PARD3B: variants seen among roughly 807,000 people sequenced by gnomAD.
The protein encoded by PARD3B is par-3 family cell polarity regulator beta, also known as partitioning defective 3 homolog B.
In PARD3B, 103 loss-of-function variants were observed where a neutral mutation model predicts 130.2. That is an observed-to-expected ratio of 0.79 (90% CI 0.67 to 0.93). The LOEUF is 0.93. Among genes scored for constraint, PARD3B ranks in the 40% least tolerant of loss-of-function variants. The pLI is 0.00. For synonymous variants in PARD3B, 583 were observed against 553.2 expected, an observed-to-expected ratio of 1.05 and a Z score of -0.76; for missense variants, 1,609 against 1,499.2, an observed-to-expected ratio of 1.07 and a Z score of -1.21.
intron 16 of PARD3B, among the ~76,000 whole-genome samples, chr2:205,254,546 AG>A (rs2039988748): frequency 1.3e-5 from 2 of 152,108 alleles, no homozygotes; most frequent in Admixed American, 1.3e-4. Context: ...TGTTTATTGG[AG>A]GTAAGAGGAA....
chr2:204,885,505 C>A (rs1559228573), intron 2 of PARD3B, among the ~76,000 whole-genome samples: 3 of 152,084 alleles, frequency 2.0e-5, no homozygotes, highest in African/African-American at 7.2e-5. Flanking sequence ...ATATTAAATA[C>A]CATTTATTCT....
intron 2 of PARD3B, among the ~76,000 whole-genome samples, chr2:204,703,396 T>G (rs1489532051): frequency 6.6e-6 from 1 of 152,164 alleles, no homozygotes; most frequent in African/African-American, 2.4e-5. Flanking sequence ...GTTAAAGAGA[T>G]GGGAATGGGA....
intron 19 of PARD3B, among the ~76,000 whole-genome samples, chr2:205,403,337 T>C (rs1211794249): frequency 2.0e-5 from 3 of 152,156 alleles, no homozygotes; most frequent in Admixed American, 6.5e-5. Context: ...TAGGAACCAA[T>C]TGTTAAACTT....
chr2:205,138,922 C>G (rs2032716137), intron 10 of PARD3B, among the ~76,000 whole-genome samples: 1 of 152,158 alleles, frequency 6.6e-6, no homozygotes, highest in Non-Finnish European at 1.5e-5. Flanking sequence ...ACAGATGGAG[C>G]CCTTCCTCCA....
intron 2 of PARD3B, among the ~76,000 whole-genome samples, chr2:204,948,205 C>T (rs1178343010): frequency 6.6e-6 from 1 of 152,098 alleles, no homozygotes; most frequent in Non-Finnish European, 1.5e-5. Flanking sequence ...AGTCATTTTC[C>T]CTTTGGCTAA....
chr2:204,819,306 C>T (rs2043252411), intron 2 of PARD3B, among the ~76,000 whole-genome samples: 1 of 152,132 alleles, frequency 6.6e-6, no homozygotes, highest in South Asian at 2.1e-4. Context: ...ATGTTTCAAA[C>T]CTTTTCATTA....
intron 1 of PARD3B, among the ~76,000 whole-genome samples, chr2:204,628,671 C>T (rs542533493): frequency 4.9e-4 from 75 of 152,224 alleles, no homozygotes; most frequent in African/African-American, 1.8e-3. Context: ...TTAGAAAACA[C>T]AGTGACATTA....
At chr2:205,289,833 C>A (rs547384909) in intron 16 of PARD3B, among the ~76,000 whole-genome samples, 1 of 152,194 alleles carries the variant, frequency 6.6e-6, no homozygotes, top group South Asian at 2.1e-4. Flanking sequence ...GCCCCCTCAA[C>A]GTGTGATGCC....
rs1339176055 is a variant in PARD3B, at chr2:205,268,409, G to C, written c.2185+22587G>C. Among the ~76,000 whole-genome samples, 1 of 152,182 alleles carries C rather than the reference G, an allele frequency of 6.6e-6. No individual in the cohort carries two copies. Among genetic ancestry groups the C allele is most frequent in the East Asian group, 1.9e-4 (1 of 5,188 alleles). On this transcript the variant is annotated intron_variant, in intron 16 of 22. Transcript: ENST00000406610. This position sits in a 1 kb window ranked among gnomAD's most constrained non-coding sequence, Gnocchi z 4.1. Reference sequence around the variant, plus strand: ...TTAACACTGAACAAAAGAATTGTTAGAGGTTTGAGGTAAAAGATCGTGGCA... The same window carrying C: ...TTAACACTGAACAAAAGAATTGTTACAGGTTTGAGGTAAAAGATCGTGGCA...
intron 2 of PARD3B, among the ~76,000 whole-genome samples, chr2:204,745,882 A>T (rs964577584): frequency 6.6e-6 from 1 of 151,784 alleles, no homozygotes; most frequent in Non-Finnish European, 1.5e-5. Flanking sequence ...CCATCCTCCC[A>T]GTTTCTGTTT....
chr2:205,055,267 C>T (rs890505673), intron 4 of PARD3B, among the ~76,000 whole-genome samples: 1 of 152,172 alleles, frequency 6.6e-6, no homozygotes, highest in African/African-American at 2.4e-5. Flanking sequence ...ATATCCATTA[C>T]ATCTAAAGAT....
chr2:204,788,988 A>C (rs1185945529), intron 2 of PARD3B, among the ~76,000 whole-genome samples: 1 of 152,086 alleles, frequency 6.6e-6, no homozygotes, highest in African/African-American at 2.4e-5. Flanking sequence ...ATTCACTTAC[A>C]TTTTTATCAC....
intron 1 of PARD3B, among the ~76,000 whole-genome samples, chr2:204,574,812 A>G (rs1449275540): frequency 6.6e-6 from 1 of 152,182 alleles, no homozygotes; most frequent in Non-Finnish European, 1.5e-5. Context: ...CAGCTATGGT[A>G]TCTCTTCCCA....
chr2:205,138,986 T>C (rs1321731172), intron 10 of PARD3B, among the ~76,000 whole-genome samples: 1 of 152,184 alleles, frequency 6.6e-6, no homozygotes, highest in Non-Finnish European at 1.5e-5. Context: ...TTCACTCCCA[T>C]AGCCAGCTCA....
chr2:204,713,862 G>A (rs7600049), intron 2 of PARD3B, among the ~76,000 whole-genome samples: 122,004 of 152,028 alleles, frequency 0.8, 49,326 homozygotes, highest in East Asian at 0.91. Context: ...CCTGGAATCA[G>A]TCAGTTCCCC....
Position 205,546,203 on chromosome 2 carries a change from C to T in PARD3B, c.3181-7121C>T, listed in dbSNP as rs984925673. On this transcript the variant is annotated intron_variant, in intron 21 of 22. Coordinates refer to ENST00000406610, the MANE Select transcript of PARD3B (RefSeq NM_001302769.2). ...CCAAAGAGGGTCACCACGTGCAAGG[C>T]GCACCAAGGTATGAGCGCTTTAAAT... 7.2e-5 allele frequency among the ~76,000 whole-genome samples: 11 copies of T among 152,236 alleles called. No individual in the cohort carries two copies. In the Middle Eastern group the frequency reaches 0.01, roughly 141 times the overall value.
Position 205,209,441 on chromosome 2 carries a change from G to T in PARD3B, c.2140+16121G>T, listed in dbSNP as rs908999348. 3.9e-5 allele frequency among the ~76,000 whole-genome samples: 6 copies of T among 152,178 alleles called. No homozygotes were observed. In the East Asian group the frequency reaches 1.2e-3, roughly 29 times the overall value. The stretch of plus-strand genomic sequence containing the variant: ...TATAAGAACATCTTCCTAAAAGTAT[G>T]AAGCTAAGGATGCTTATTCAAAGAA... On this transcript the variant is annotated intron_variant, in intron 15 of 22. Coordinates refer to ENST00000406610, the MANE Select transcript of PARD3B (RefSeq NM_001302769.2).
chr2:205,168,498 G>T (rs1368943), intron 11 of PARD3B, among the ~76,000 whole-genome samples: 25,638 of 152,002 alleles, frequency 0.17, 2,295 homozygotes, highest in Middle Eastern at 0.21. Context: ...AAAGCTGATT[G>T]TCTTTGTCCA....
intron 22 of PARD3B, among the ~76,000 whole-genome samples, chr2:205,588,814 A>C (rs2054286074): frequency 6.6e-6 from 1 of 152,366 alleles, no homozygotes; most frequent in South Asian, 2.1e-4. Context: ...TTCAGTTCTT[A>C]GGAAATCTTC....
Sources: allele counts gnomAD v4.1 joint callset (sites outside exome capture counted in the v4.1 genomes callset), GRCh38; gene constraint gnomAD v4.1.1; non-coding constraint Gnocchi (gnomAD v3.1); transcripts MANE v1.5; gene names NCBI Gene and HGNC (gene_info 2026-07-23, HGNC 2026-07-21).